PHF24: variants seen among roughly 807,000 people sequenced by gnomAD.
The protein encoded by PHF24 is PHD finger protein 24, also known as Galpha inhibitory interacting protein.
PHF24 carries 25 observed loss-of-function variants against 42.6 expected under a neutral mutation model. That is an observed-to-expected ratio of 0.59 (90% confidence interval 0.43 to 0.82). The LOEUF (loss-of-function observed/expected upper bound fraction) is 0.82. Ranked by LOEUF, PHF24 falls within the 40% of genes least tolerant of loss-of-function variation. The pLI is 0.00. For missense variants in PHF24, 470 were observed against 538.1 expected, an observed-to-expected ratio of 0.87 and a Z score of 1.25; for synonymous variants, 185 against 204.8, an observed-to-expected ratio of 0.90 and a Z score of 0.83.
the PHF24 span, among the ~76,000 whole-genome samples, chr9:34,898,892 G>GA: frequency 6.6e-6 from 1 of 152,124 alleles, no homozygotes; most frequent in South Asian, 2.1e-4. Flanking sequence ...ACCATCTACT[G>GA]AAAACTCCAC....
the PHF24 span, among the ~76,000 whole-genome samples, chr9:34,752,427 G>A: frequency 1.3e-5 from 2 of 152,102 alleles, no homozygotes; most frequent in Admixed American, 6.6e-5. Flanking sequence ...CAATAAATGG[G>A]AAAACCTAGG....
the PHF24 span, among the ~76,000 whole-genome samples, chr9:34,781,014 C>G: frequency 6.6e-6 from 1 of 152,178 alleles, no homozygotes; most frequent in Non-Finnish European, 1.5e-5. Flanking sequence ...GAAACTAGAA[C>G]CTTTGCGCAT....
intron 1 of PHF24, among the ~76,000 whole-genome samples, chr9:34,965,406 A>G (rs1283067228): frequency 6.6e-6 from 1 of 152,240 alleles, no homozygotes; most frequent in Admixed American, 6.5e-5. Flanking sequence ...GAATAGTTCT[A>G]CTTTGCATTT....
the PHF24 span, among the ~76,000 whole-genome samples, chr9:34,800,586 A>T: frequency 1.3e-5 from 2 of 152,216 alleles, no homozygotes; most frequent in African/African-American, 4.8e-5. Context: ...CCTATTTAAT[A>T]AACGGTGCCG....
chr9:34,967,288 A>G (rs1826810838), intron 1 of PHF24, among the ~76,000 whole-genome samples: 1 of 152,188 alleles, frequency 6.6e-6, no homozygotes, highest in South Asian at 2.1e-4. Context: ...ATCCATTAGT[A>G]GGTCATGAAA....
the PHF24 span, among the ~76,000 whole-genome samples, chr9:34,719,522 C>T: frequency 6.6e-6 from 1 of 152,350 alleles, no homozygotes; most frequent in Middle Eastern, 3.4e-3. Context: ...TAGCTCTCAA[C>T]TTTGCTGAGA....
At chr9:34,807,528 T>C in the PHF24 span, among the ~76,000 whole-genome samples, 1 of 152,200 alleles carries the variant, frequency 6.6e-6, no homozygotes, top group African/African-American at 2.4e-5. Context: ...TATTTAACAA[T>C]CCAGAAAACA....
the PHF24 span, among the ~76,000 whole-genome samples, chr9:34,770,461 G>A: frequency 6.6e-6 from 1 of 152,032 alleles, no homozygotes; most frequent in East Asian, 1.9e-4. Context: ...AATTTTAGAA[G>A]TATTTATTAT....
chr9:34,799,210 T>A, the PHF24 span, among the ~76,000 whole-genome samples: 1 of 152,148 alleles, frequency 6.6e-6, no homozygotes. Context: ...AGAGAAGACT[T>A]CCAGAAGGGA....
the PHF24 span, among the ~76,000 whole-genome samples, chr9:34,937,926 G>A: frequency 6.6e-6 from 1 of 152,078 alleles, no homozygotes; most frequent in Non-Finnish European, 1.5e-5. Context: ...TTTTTATAGG[G>A]AATCTAACAA....
chr9:34,963,142 A>G (rs1172247181), intron 1 of PHF24, among the ~76,000 whole-genome samples: 19 of 152,188 alleles, frequency 1.2e-4, no homozygotes, highest in African/African-American at 4.1e-4. Context: ...ACAGGCTCCA[A>G]GAGCACTGTA....
chr9:34,772,189 C>G, the PHF24 span, among the ~76,000 whole-genome samples: 1 of 152,156 alleles, frequency 6.6e-6, no homozygotes, highest in Admixed American at 6.6e-5. Flanking sequence ...TTCCTAGGAT[C>G]AGTCAACAAC....
chr9:34,840,430 C>T, the PHF24 span, among the ~76,000 whole-genome samples: 1 of 151,820 alleles, frequency 6.6e-6, no homozygotes, highest in Non-Finnish European at 1.5e-5. Flanking sequence ...CCTCCTCCTC[C>T]TTCTTCTTCT....
chr9:34,692,358 G>A, the PHF24 span, among the ~76,000 whole-genome samples: 5 of 152,264 alleles, frequency 3.3e-5, no homozygotes, highest in South Asian at 1.0e-3. Context: ...TACCATTGAT[G>A]TAGTTTTTCT....
At chr9:34,851,231 C>G in the PHF24 span, among the ~76,000 whole-genome samples, 2 of 152,174 alleles carry the variant, frequency 1.3e-5, no homozygotes, top group Non-Finnish European at 2.9e-5. Flanking sequence ...ATGCAGGCTT[C>G]CTTGAGCTGT....
At chr9:34,836,117 G>T in the PHF24 span, 23 of 473,054 alleles carry the variant, frequency 4.9e-5, no homozygotes, top group African/African-American at 2.2e-4. Flanking sequence ...AAGAGTGTGG[G>T]CTAGCGTTGG....
chr9:34,810,044 C>A, the PHF24 span, among the ~76,000 whole-genome samples: 2 of 151,592 alleles, frequency 1.3e-5, no homozygotes, highest in East Asian at 1.9e-4. Flanking sequence ...CGCCTCAACT[C>A]GGCAGCTCAG....
chr9:34,688,633 T>TGG, the PHF24 span, among the ~76,000 whole-genome samples: 1 of 152,206 alleles, frequency 6.6e-6, no homozygotes, highest in Non-Finnish European at 1.5e-5. Flanking sequence ...CAGGTCTGTC[T>TGG]GTCGGTGTCC....
chr9:34,716,190 G>C, the PHF24 span, among the ~76,000 whole-genome samples: 1 of 152,224 alleles, frequency 6.6e-6, no homozygotes, highest in Non-Finnish European at 1.5e-5. Context: ...GGAGTCATAA[G>C]TGTGCAAAAT....
Sources: gnomAD v4.1 joint callset for allele counts (sites outside exome capture counted in the v4.1 genomes callset) on GRCh38, gnomAD v4.1.1 for gene constraint, MANE v1.5 for transcripts, NCBI Gene and HGNC (gene_info 2026-07-23, HGNC 2026-07-21) for gene names.